Variants in TGFA observed in about 807,000 individuals in gnomAD.
TGFA encodes protransforming growth factor alpha.
A neutral mutation model predicts 21.7 loss-of-function variants in TGFA; 12 were observed. The ratio of observed to expected loss-of-function variants is 0.55; its 90% CI spans 0.35 to 0.90. TGFA has a LOEUF of 0.90. Ranked by LOEUF, TGFA falls within the 40% of genes least tolerant of loss-of-function variation. The pLI is 0.01. For missense variants in TGFA, 178 were observed against 210.8 expected (o/e 0.84, Z 0.96); for synonymous variants, 79 against 88.1 (o/e 0.90, Z 0.58).
intron 2 of TGFA, among the ~76,000 whole-genome samples, chr2:70,504,467 C>CATATATATATATATATAT (rs1264518373): frequency 4.8e-5 from 4 of 82,928 alleles, no homozygotes; most frequent in South Asian, 4.0e-4. Flanking sequence ...TATATATACA[C>CATATATATATATATATAT]ACATACATAC....
intron 1 of TGFA, among the ~76,000 whole-genome samples, chr2:70,527,905 G>T (rs782041099): frequency 9.2e-5 from 14 of 152,230 alleles, no homozygotes; most frequent in Non-Finnish European, 2.1e-4. Flanking sequence ...CTTCTCCTAA[G>T]GAAGCCATGG....
intron 1 of TGFA, among the ~76,000 whole-genome samples, chr2:70,518,708 A>C (rs2215020): frequency 0.064 from 9,713 of 152,174 alleles, 1,046 homozygotes; most frequent in African/African-American, 0.22. Context: ...ACCCTTCATC[A>C]TCAACCACCC....
At chr2:70,478,041 G>T (rs1670989598) in intron 2 of TGFA, among the ~76,000 whole-genome samples, 1 of 152,038 alleles carries the variant, frequency 6.6e-6, no homozygotes, top group Non-Finnish European at 1.5e-5. Context: ...ACAATCTGAA[G>T]TCAATCTGGC....
chr2:70,467,519 T>C (rs2103704499), intron 2 of TGFA: 1 of 152,342 alleles, frequency 6.6e-6, no homozygotes, highest in Non-Finnish European at 1.5e-5. Flanking sequence ...ACTCCCATTT[T>C]GTCCAAAGTA....
At chr2:70,544,998 A>G (rs551941494) in intron 1 of TGFA, among the ~76,000 whole-genome samples, 1 of 152,328 alleles carries the variant, frequency 6.6e-6, no homozygotes, top group Admixed American at 6.5e-5. Flanking sequence ...TTTATATTTT[A>G]AAATAGCTAA....
intron 1 of TGFA, among the ~76,000 whole-genome samples, chr2:70,531,812 T>C (rs17005822): frequency 0.096 from 14,658 of 152,268 alleles, 1,019 homozygotes; most frequent in Admixed American, 0.22. Context: ...AAGTATGTCA[T>C]CAATGAAAAC....
At chr2:70,483,908 C>T (rs1376678956) in intron 2 of TGFA, among the ~76,000 whole-genome samples, 1 of 152,194 alleles carries the variant, frequency 6.6e-6, no homozygotes, top group Non-Finnish European at 1.5e-5. Context: ...TCAGAGAATT[C>T]CTTCTGCAGC....
At chr2:70,511,379 A>G (rs892602143) in intron 2 of TGFA, among the ~76,000 whole-genome samples, 5 of 152,220 alleles carry the variant, frequency 3.3e-5, no homozygotes, top group Non-Finnish European at 7.3e-5. Context: ...AAAGGAGCCC[A>G]CCAGCATCCA....
At chr2:70,496,637 A>G (rs1347181745) in intron 2 of TGFA, among the ~76,000 whole-genome samples, 1 of 152,232 alleles carries the variant, frequency 6.6e-6, no homozygotes, top group African/African-American at 2.4e-5. Context: ...TTCCCCATGA[A>G]TCAATAGGGA....
chr2:70,483,807 C>T (rs1022723600), intron 2 of TGFA, among the ~76,000 whole-genome samples: 2 of 152,184 alleles, frequency 1.3e-5, no homozygotes, highest in Non-Finnish European at 2.9e-5. Context: ...GTGCTTGTTC[C>T]CTCAACAAAG....
intron 2 of TGFA, among the ~76,000 whole-genome samples, chr2:70,492,495 T>C (rs1671464948): frequency 6.6e-6 from 1 of 152,198 alleles, no homozygotes; most frequent in African/African-American, 2.4e-5. Context: ...TCCCATTTCA[T>C]AGACAAGGAA....
chr2:70,499,880 C>T (rs536051589), intron 2 of TGFA, among the ~76,000 whole-genome samples: 17 of 152,214 alleles, frequency 1.1e-4, no homozygotes, highest in East Asian at 9.7e-4. Flanking sequence ...ACAAATGTGT[C>T]GCAAGGTTCT....
Position 70,521,617 on chromosome 2 carries a change from G to GTTTTTTTTT in TGFA, c.41-6714_41-6706dup, listed in dbSNP as rs35177436. 2.7e-3 allele frequency among the ~76,000 whole-genome samples: 234 copies of GTTTTTTTTT among 87,020 alleles called. 3 individuals carry two copies. The highest frequency in any genetic ancestry group is 3.2e-3 in the African/African-American group (70 of 21,956). 57.1% of individuals were successfully genotyped at this position (87,020 alleles called of 152,430 possible). A position where few individuals can be genotyped will look rare whatever the true frequency, so the allele number is the denominator to read the frequency against. ...TAGTTTTTTTTGTTGTTGTTTGTTTGTTTTTTTTTTTTTTTTTTTTTGAGT... is the reference window on the plus strand; with the variant it reads ...TAGTTTTTTTTGTTGTTGTTTGTTTGTTTTTTTTTTTTTTTTTTTTTTTTTTTTTTGAGT... On this transcript the variant is annotated intron_variant, in intron 1 of 5. Transcript: ENST00000295400.
chr2:70,505,943 G>T (rs1223103134), intron 2 of TGFA, among the ~76,000 whole-genome samples: 4 of 152,240 alleles, frequency 2.6e-5, no homozygotes, highest in African/African-American at 9.6e-5. Flanking sequence ...AAAGCAAACA[G>T]TGGGAGAGCC....
At chr2:70,539,919 C>A (rs189128187) in intron 1 of TGFA, among the ~76,000 whole-genome samples, 1 of 152,334 alleles carries the variant, frequency 6.6e-6, no homozygotes, top group African/African-American at 2.4e-5. Context: ...ATACTCTACA[C>A]TAGTACTCCC....
intron 1 of TGFA, among the ~76,000 whole-genome samples, chr2:70,537,490 G>A (rs1553504609): frequency 6.6e-6 from 1 of 152,204 alleles, no homozygotes; most frequent in Non-Finnish European, 1.5e-5. Flanking sequence ...TTGTGAATGC[G>A]AAGGGAAAGT....
chr2:70,535,973 G>T (rs1211625825), intron 1 of TGFA, among the ~76,000 whole-genome samples: 1 of 152,174 alleles, frequency 6.6e-6, no homozygotes, highest in East Asian at 1.9e-4. Context: ...CAGGAAACTG[G>T]AGTAATGCTT....
At chr2:70,515,891 C>T (rs1014899732) in intron 1 of TGFA, among the ~76,000 whole-genome samples, 2 of 152,184 alleles carry the variant, frequency 1.3e-5, no homozygotes, top group Admixed American at 1.3e-4. Flanking sequence ...ACCTACAAGA[C>T]GCAAATTTAA....
At chr2:70,503,867 G>C (rs1671817203) in intron 2 of TGFA, among the ~76,000 whole-genome samples, 1 of 152,338 alleles carries the variant, frequency 6.6e-6, no homozygotes, top group South Asian at 2.1e-4. Flanking sequence ...TCTGTGCACA[G>C]AATCAAGCTA....
Sources: gnomAD v4.1 joint callset for allele counts (sites outside exome capture counted in the v4.1 genomes callset) on GRCh38, gnomAD v4.1.1 for gene constraint, MANE v1.5 for transcripts, NCBI Gene and HGNC (gene_info 2026-07-23, HGNC 2026-07-21) for gene names.